FAM234A: variants seen among roughly 807,000 people sequenced by gnomAD.
The protein encoded by FAM234A is family with sequence similarity 234 member A, also known as protein FAM234A.
In FAM234A, 42 loss-of-function variants were observed where a neutral mutation model predicts 49.1. That is an observed-to-expected ratio of 0.86 (90% CI 0.67 to 1.11). The LOEUF (loss-of-function observed/expected upper bound fraction) is 1.11. Among genes scored for constraint, FAM234A ranks in the 50% least tolerant of loss-of-function variants. FAM234A has a pLI of 0.00. For synonymous variants in FAM234A, 369 were observed against 316.2 expected, an observed-to-expected ratio of 1.17 and a Z score of -1.77; for missense variants, 815 against 745.2, an observed-to-expected ratio of 1.09 and a Z score of -1.09.
At chr16:257,888 C>T (rs1164427431) in intron 3 of FAM234A, among the ~76,000 whole-genome samples, 10 of 151,916 alleles carry the variant, frequency 6.6e-5, no homozygotes, top group East Asian at 1.9e-4. Flanking sequence ...GATCGAGTCT[C>T]GCTCTGTCGC....
At chr16:245,689 T>C (rs2050780078) in intron 1 of FAM234A, among the ~76,000 whole-genome samples, 1 of 152,042 alleles carries the variant, frequency 6.6e-6, no homozygotes, top group African/African-American at 2.4e-5. Context: ...CAAAAAAATC[T>C]GTGAATGTTT....
intron 1 of FAM234A, among the ~76,000 whole-genome samples, chr16:236,760 G>A (rs867516397): frequency 7.3e-6 from 1 of 137,420 alleles, no homozygotes; most frequent in Non-Finnish European, 1.6e-5. Flanking sequence ...CAAAAAATTA[G>A]CCGGGCGAGG....
intron 3 of FAM234A, among the ~76,000 whole-genome samples, chr16:256,255 A>G (rs186977536): frequency 6.6e-6 from 1 of 152,164 alleles, no homozygotes; most frequent in Non-Finnish European, 1.5e-5. Context: ...TGGTAAGTTT[A>G]TGTTTAACTT....
intron 2 of FAM234A, among the ~76,000 whole-genome samples, chr16:253,115 GT>G (rs1276404645): frequency 6.6e-6 from 1 of 152,200 alleles, no homozygotes; most frequent in Non-Finnish European, 1.5e-5. Flanking sequence ...GGTGGTGGTG[GT>G]TGGCAGATAT....
chr16:265,447 G>A lies in FAM234A; in HGVS notation c.*425G>A, dbSNP rs1303477553. The A allele has an allele frequency of 1.0e-5, 10 of 1,000,256 alleles. No homozygotes were observed. The highest frequency in any genetic ancestry group is 1.7e-5 in the African/African-American group (1 of 57,744). The allele number at this position is 1,000,256 out of a possible 1,614,324, so 62.0% of individuals were successfully genotyped here. A position where few individuals can be genotyped will look rare whatever the true frequency, so the allele number is the denominator to read the frequency against. On this transcript the variant is annotated 3_prime_UTR_variant, in exon 13 of 13. Transcript: ENST00000399932. ...AACCAGGGTGTCCCCGGGACAGGCC[G>A]TCCCCCACCCCATCCTGTAGAAGTC...
chr16:249,148 A>G (rs1301345522), intron 1 of FAM234A, among the ~76,000 whole-genome samples: 1 of 151,978 alleles, frequency 6.6e-6, no homozygotes, highest in African/African-American at 2.4e-5. Context: ...GCCGGGCGGC[A>G]TCTTCAGAGG....
rs371981131 is a variant in FAM234A, at chr16:261,404, A to G, written c.598A>G (p.Ser200Gly). Reference protein sequence around the residue: ...LFTGETLWNHSSSFSGNASIL... With the variant: ...LFTGETLWNHGSSFSGNASIL... ...TCTAGGGGAAACCCTGTGGAACCAC[A>G]GCAGCAGCTTCAGCGGGAATGCGTC... The change falls in exon 6 of 13, where the codon AGC (serine) becomes GGC (glycine). Residue 200 changes from serine to glycine, a missense_variant. Ser to Gly is a moderately conservative substitution (Grantham distance 56). Coordinates refer to ENST00000399932, the MANE Select transcript of FAM234A (RefSeq NM_032039.4). The G allele has an allele frequency of 5.5e-5, 89 of 1,612,588 alleles. No homozygotes were observed. The highest frequency in any genetic ancestry group is 7.5e-5 in the Non-Finnish European group (88 of 1,179,096).
chr16:269,357 C>T (rs542774918), downstream of FAM234A: 322 of 1,603,436 alleles, frequency 2.0e-4, 2 homozygotes, highest in South Asian at 3.0e-3. Context: ...GCTCGAGTGC[C>T]GTGGCCTCCA....
rs113779001 is a variant in FAM234A at position 236,334 on chromosome 16, A to T, written c.-140+1477A>T. The stretch of plus-strand genomic sequence containing the variant: ...GCCACCATATTTATTTTTCTTAAAA[A>T]TTTTTTTTGGGTGGGCGCAGTGGCT... On this transcript the variant is annotated intron_variant, in intron 1 of 12. Coordinates refer to ENST00000399932, the MANE Select transcript of FAM234A (RefSeq NM_032039.4). 7.4e-3 allele frequency among the ~76,000 whole-genome samples: 1,115 copies of T among 150,466 alleles called. 15 individuals are homozygous for T. Among genetic ancestry groups the T allele is most frequent in the African/African-American group, 0.026 (1,060 of 41,102 alleles).
At chr16:269,841 C>G (rs547863911), downstream of FAM234A, 2 of 447,464 alleles carry the variant, frequency 4.5e-6, no homozygotes, top group Non-Finnish European at 8.0e-6. Flanking sequence ...GAATAAACCG[C>G]GGCACCTCCT....
intron 2 of FAM234A, among the ~76,000 whole-genome samples, chr16:251,203 G>A (rs752267791): frequency 4.6e-5 from 7 of 152,056 alleles, no homozygotes; most frequent in Admixed American, 1.3e-4. Flanking sequence ...TAATCCTCCC[G>A]CCTTGGCCTC....
chr16:256,279 C>G (rs1383655035), intron 3 of FAM234A, among the ~76,000 whole-genome samples: 1 of 152,206 alleles, frequency 6.6e-6, no homozygotes, highest in African/African-American at 2.4e-5. Flanking sequence ...GAGGAGCTGA[C>G]AAGCTGTTTT....
chr16:269,674 G>A (rs561051026), downstream of FAM234A: 170 of 1,014,750 alleles, frequency 1.7e-4, 2 homozygotes, highest in South Asian at 2.2e-3. Context: ...CATTGCTGGA[G>A]CCTCCTCCAG....
intron 1 of FAM234A, among the ~76,000 whole-genome samples, chr16:241,767 A>C (rs1272980738): frequency 1.3e-5 from 2 of 150,508 alleles, no homozygotes; most frequent in South Asian, 2.1e-4. Flanking sequence ...AATACAAAAA[A>C]TTAGCCGGGC....
In FAM234A at chr16:262,224, C is replaced by T. The variant is rs865782979; in HGVS notation, c.840C>T (p.Cys280=). ...RTGAHYILFP[C]ASSLCGCSVK... is the part of the protein sequence containing the mutation. ...GTGCCCACTACATCCTCTTTCCCTG[C>T]GGTACGTTGTTTCTGCCACATCCCT... The change falls in exon 7 of 13, where the codon TGC becomes TGT. Residue 280 remains cysteine, a splice_region_variant and synonymous_variant. Transcript: ENST00000399932. 2.1e-5 allele frequency: 34 copies of T among 1,613,730 alleles called. No individual in the cohort carries two copies. Among genetic ancestry groups the T allele is most frequent in the Non-Finnish European group, 2.8e-5 (33 of 1,179,882 alleles).
Position 259,848 on chromosome 16 carries a change from G to A in FAM234A, c.386-121G>A, listed in dbSNP as rs1009867436. On this transcript the variant is annotated intron_variant, in intron 4 of 12. Coordinates refer to ENST00000399932, the MANE Select transcript of FAM234A (RefSeq NM_032039.4). ...GCAAGATACAGGAGATCCACCTGGC[G>A]GGAGGGGCTGTGGCCTAGGAGAGGT... The A allele has an allele frequency of 3.5e-5, 31 of 896,496 alleles. 1 individual carries two copies. The highest frequency in any genetic ancestry group is 3.4e-4 in the Middle Eastern group (1 of 2,944). The allele number at this position is 896,496 out of a possible 1,614,324, so 55.5% of individuals were successfully genotyped here.
At chr16:259,842 C>G in intron 4 of FAM234A, 127 bp from the exon 5 acceptor site, 1 of 868,408 alleles carries the variant, frequency 1.2e-6, no homozygotes, top group South Asian at 1.6e-5. Context: ...AGGAGATCCA[C>G]CTGGCGGGAG....
intron 1 of FAM234A, among the ~76,000 whole-genome samples, chr16:235,223 C>T (rs552409321): frequency 2.6e-5 from 4 of 152,316 alleles, no homozygotes; most frequent in South Asian, 2.1e-4. Flanking sequence ...CGGCCGTGGT[C>T]GCTTTCGCTC....
At chr16:268,620 G>C, downstream of FAM234A, 3 of 673,974 alleles carry the variant, frequency 4.5e-6, no homozygotes, top group South Asian at 1.8e-5. Flanking sequence ...TCTATAAATC[G>C]GGGGGGAGGC....
Sources: gnomAD v4.1 joint callset for allele counts (sites outside exome capture counted in the v4.1 genomes callset) on GRCh38, gnomAD v4.1.1 for gene constraint, MANE v1.5 for transcripts, NCBI Gene and HGNC (gene_info 2026-07-23, HGNC 2026-07-21) for gene names.